The following ADH1B variants were observed in gnomAD, a reference collection of about 807,000 sequenced individuals.
ADH1B encodes the protein all-trans-retinol dehydrogenase [NAD(+)] ADH1B.
In ADH1B, 29 loss-of-function variants were observed where a neutral mutation model predicts 34.6. The ratio of observed to expected loss-of-function variants is 0.84; its 90% CI spans 0.62 to 1.14. The LOEUF (loss-of-function observed/expected upper bound fraction) is 1.14. Ranked by LOEUF, ADH1B falls within the 50% of genes most tolerant of loss-of-function variation. The pLI is 0.00. For synonymous variants in ADH1B, 170 were observed against 175.5 expected (o/e 0.97, Z 0.25); for missense variants, 424 against 468.4 (o/e 0.91, Z 0.87).
chr4:99,314,163 T>C (rs995852183), intron 5 of ADH1B, 82 bp from the exon 6 acceptor site: 1 of 1,556,876 alleles, frequency 6.4e-7, no homozygotes, highest in African/African-American at 1.4e-5. Flanking sequence ...CATGCGTAGG[T>C]GTTTATCAAG....
At position 99,309,354 on chromosome 4, in the gene ADH1B, C is replaced by T. The variant is rs2110629306; in HGVS notation, c.1103+1411G>A. Among the ~76,000 whole-genome samples, 2 of 152,180 alleles carry T rather than the reference C, an allele frequency of 1.3e-5. 1 individual carries two copies. The highest frequency in any genetic ancestry group is 4.2e-4 in the South Asian group (2 of 4,818). Reference sequence around the variant, plus strand: ...TTACTACTGAAAGTACATGAAAGTGCCCAACTCACCTTATTCTTACCAATA... The same window carrying T: ...TTACTACTGAAAGTACATGAAAGTGTCCAACTCACCTTATTCTTACCAATA... On this transcript the variant is annotated intron_variant, in intron 8 of 8. Coordinates refer to ENST00000305046, the MANE Select transcript of ADH1B (RefSeq NM_000668.6).
chr4:99,310,357 T>C, intron 8 of ADH1B: 1 of 456,286 alleles, frequency 2.2e-6, no homozygotes, highest in Non-Finnish European at 4.4e-6. Context: ...GAGGATGTCC[T>C]GAAAATTATT....
chr4:99,314,027 C>T lies in ADH1B; in HGVS notation c.622G>A (p.Ala208Thr), dbSNP rs1203444615. The T allele has an allele frequency of 6.2e-7, 1 of 1,614,212 alleles. No individual in the cohort carries two copies. The highest frequency in any genetic ancestry group is 1.1e-5 in the South Asian group (1 of 91,086). ...CCAGCTGCTTTACAGCCCATAACAG[C>T]AGATAGGCCGACCCCTCCCAGGCCA... The part of the protein sequence containing the change: ...VFGLGGVGLS[A>T]VMGCKAAGAA... Residue 208 changes from alanine to threonine, a missense_variant, in exon 6 of 9, where the codon GCT becomes ACT. Physicochemically the swap from Ala to Thr is moderately conservative, Grantham distance 58 (BLOSUM62 0). This residue lies in a region of ADH1B where 291 missense variants were observed against 300.4 expected (regional missense o/e 0.97). Coordinates refer to ENST00000305046, the MANE Select transcript of ADH1B (RefSeq NM_000668.6).
At chr4:99,319,924 C>T (rs1403459732) in intron 1 of ADH1B, 1 of 152,104 alleles carries the variant, frequency 6.6e-6, no homozygotes, top group African/African-American at 2.4e-5. Context: ...TACCAGAATA[C>T]TTAGACAGAA....
Position 99,318,942 on chromosome 4 carries a change from G to T in ADH1B, c.19-56C>A, listed in dbSNP as rs768982796. On this transcript the variant is annotated intron_variant, in intron 1 of 8. Coordinates refer to ENST00000305046, the MANE Select transcript of ADH1B (RefSeq NM_000668.6). ...TGTTTTCCCACTCTTGAAGTCATAAGTTGTGTCTTTTCATCTTTGTACATG... is the reference window on the plus strand; with the variant it reads ...TGTTTTCCCACTCTTGAAGTCATAATTTGTGTCTTTTCATCTTTGTACATG... The T allele has an allele frequency of 5.8e-6, 9 of 1,560,140 alleles. No individual in the cohort carries two copies. The South Asian group carries it at 8.9e-5, about 15-fold the overall frequency.
At position 99,305,121 on chromosome 4, in the gene ADH1B, C is replaced by A. The variant is rs1382936976; in HGVS notation, c.*2719G>T. 6.6e-6 allele frequency: 1 copy of A among 151,580 alleles called. No individual in the cohort carries two copies. The highest frequency in any genetic ancestry group is 1.5e-5 in the Non-Finnish European group (1 of 67,964). 9.4% of individuals were successfully genotyped at this position (151,580 alleles called of 1,614,324 possible). ...TTGTCTATTTTTAAATGAAAAAGCA[C>A]CAGGATTTTAGAAATATCTTTTTTT... On this transcript the variant is annotated 3_prime_UTR_variant, in exon 9 of 9. Coordinates refer to ENST00000305046, the MANE Select transcript of ADH1B (RefSeq NM_000668.6).
rs1733724756 is a variant in ADH1B at position 99,310,572 on chromosome 4, G to C, written c.1103+193C>G. On this transcript the variant is annotated intron_variant, in intron 8 of 8. Transcript: ENST00000305046. ...TAATCAACGTAATTTGACTCCAGCAGAATAGGAAATGCAAAGCAACTGTTT... is the reference window on the plus strand; with the variant it reads ...TAATCAACGTAATTTGACTCCAGCACAATAGGAAATGCAAAGCAACTGTTT... 2.6e-5 allele frequency among the ~76,000 whole-genome samples: 4 copies of C among 152,116 alleles called. No individual in the cohort carries two copies. In the South Asian group the frequency reaches 8.3e-4, roughly 32 times the overall value.
At position 99,305,505 on chromosome 4, in the gene ADH1B, T is replaced by G. The variant is rs1441559046; in HGVS notation, c.*2335A>C. The G allele has an allele frequency of 1.2e-4, 8 of 64,364 alleles. No homozygotes were observed. Among genetic ancestry groups the G allele is most frequent in the Non-Finnish European group, 1.7e-4 (4 of 23,644 alleles). 4.0% of individuals were successfully genotyped at this position (64,364 alleles called of 1,614,324 possible). ...AATACTTTCTACACTGGAATACATA[T>G]ATATATATATATATATATACAATCA... On this transcript the variant is annotated 3_prime_UTR_variant, in exon 9 of 9. Transcript: ENST00000305046.
chr4:99,308,185 A>G (rs1164130906), intron 8 of ADH1B, among the ~76,000 whole-genome samples: 1 of 152,032 alleles, frequency 6.6e-6, no homozygotes, highest in African/African-American at 2.4e-5. Flanking sequence ...AAGGAATATA[A>G]AACAACAGTG....
intron 3 of ADH1B, chr4:99,316,514 G>A (rs1438844551): frequency 1.2e-5 from 7 of 598,946 alleles, no homozygotes; most frequent in Middle Eastern, 4.6e-4. Flanking sequence ...CTGAGAAATC[G>A]CAAATGTGGG....
rs1733570419 is a variant in ADH1B at position 99,305,221 on chromosome 4, ATTAT to A, written c.*2615_*2618del. The stretch of plus-strand genomic sequence containing the variant: ...ATTTTTTCCTTATCTATATTTTTAG[ATTAT>A]TTGTTTATACCAGAATTTGAAATTT... On this transcript the variant is annotated 3_prime_UTR_variant, in exon 9 of 9. Transcript: ENST00000305046. 1 of 151,566 alleles carries A rather than the reference ATTAT, an allele frequency of 6.6e-6. No homozygotes were observed. The highest frequency in any genetic ancestry group is 1.5e-5 in the Non-Finnish European group (1 of 67,926). 9.4% of individuals were successfully genotyped at this position (151,566 alleles called of 1,614,324 possible).
chr4:99,318,559 A>T, intron 2 of ADH1B: 1 of 532,302 alleles, frequency 1.9e-6, no homozygotes, highest in Non-Finnish European at 3.1e-6. Flanking sequence ...TTCTGTACAA[A>T]CATAAATTCT....
chr4:99,318,982 A>G (rs933516634), intron 1 of ADH1B, 96 bp from the exon 2 acceptor site: 10 of 1,307,232 alleles, frequency 7.6e-6, no homozygotes, highest in Non-Finnish European at 1.1e-5. Flanking sequence ...ATTGCGTCCC[A>G]TGTCTGGTAC....
intron 8 of ADH1B, chr4:99,310,435 A>G: frequency 2.5e-6 from 1 of 396,946 alleles, no homozygotes; most frequent in Non-Finnish European, 4.8e-6. Flanking sequence ...ACACCATGTT[A>G]TAATTATGGC....
chr4:99,317,905 G>T (rs1733924950), intron 3 of ADH1B, 141 bp downstream of exon 3: 1 of 1,406,596 alleles, frequency 7.1e-7, no homozygotes, highest in Admixed American at 2.3e-5. Context: ...AGGCAGAGAG[G>T]GAAAGAGGAA....
In ADH1B at chr4:99,304,986, CTTTA is replaced by C. The variant is rs1196803353; in HGVS notation, c.*2850_*2853del. 6.6e-6 allele frequency: 1 copy of C among 151,594 alleles called. No homozygotes were observed. Among genetic ancestry groups the C allele is most frequent in the Non-Finnish European group, 1.5e-5 (1 of 67,920 alleles). 9.4% of individuals were successfully genotyped at this position (151,594 alleles called of 1,614,324 possible). On this transcript the variant is annotated 3_prime_UTR_variant, in exon 9 of 9. Coordinates refer to ENST00000305046, the MANE Select transcript of ADH1B (RefSeq NM_000668.6). ...AGGTAAGCAGTAATATCTCATTTTG[CTTTA>C]TTTTTTTTTTTGATCACACCAAGGC... is the stretch of plus-strand genomic sequence containing the variant.
At chr4:99,309,850 G>T (rs142230296) in intron 8 of ADH1B, among the ~76,000 whole-genome samples, 301 of 152,038 alleles carry the variant, frequency 2.0e-3, no homozygotes, top group Non-Finnish European at 3.8e-3. Context: ...AGATAATGCA[G>T]GTAAGACACT....
In ADH1B at chr4:99,314,016, G is replaced by A. The variant is rs1267524113; in HGVS notation, c.633C>T (p.Gly211=). ...TTCTGGCTGCTCCAGCTGCTTTACA[G>A]CCCATAACAGCAGATAGGCCGACCC... ...LGGVGLSAVM[G]CKAAGAARII... Residue 211 remains glycine (G), a synonymous_variant, in exon 6 of 9, where the codon GGC becomes GGT. Coordinates refer to ENST00000305046, the MANE Select transcript of ADH1B (RefSeq NM_000668.6). 6.2e-7 allele frequency: 1 copy of A among 1,614,186 alleles called. No homozygotes were observed. The highest frequency in any genetic ancestry group is 8.5e-7 in the Non-Finnish European group (1 of 1,180,036).
chr4:99,310,380 C>A, intron 8 of ADH1B: 1 of 445,968 alleles, frequency 2.2e-6, no homozygotes, highest in African/African-American at 2.0e-5. Context: ...AATATGCAGA[C>A]ACTTAGTGTC....
Sources: gnomAD v4.1 joint callset for allele counts (sites outside exome capture counted in the v4.1 genomes callset) on GRCh38, gnomAD v4.1.1 for gene constraint, gnomAD v4.1.1 regional missense constraint, MANE v1.5 for transcripts, NCBI Gene and HGNC (gene_info 2026-07-23, HGNC 2026-07-21) for gene names.